Variants in WWOX observed in about 807,000 individuals in gnomAD.
WWOX encodes WW domain-containing oxidoreductase.
Under a neutral mutation model 46.2 loss-of-function variants are expected in WWOX, and 69 were observed. That is an observed-to-expected ratio of 1.49 (90% CI 1.23 to 1.82). The LOEUF (loss-of-function observed/expected upper bound fraction) is 1.82. Ranked by LOEUF, WWOX falls within the 40% of genes most tolerant of loss-of-function variation. The probability of loss-of-function intolerance (pLI) is 0.00; values close to 1 mark genes in which losing one functional copy is unlikely to be tolerated. For missense variants in WWOX, 919 were observed against 542.6 expected (o/e 1.69, Z -6.89); for synonymous variants, 359 against 202.6 (o/e 1.77, Z -6.56).
intron 8 of WWOX, among the ~76,000 whole-genome samples, chr16:78,689,169 C>G (rs895024542): frequency 7.2e-5 from 11 of 152,178 alleles, no homozygotes. Flanking sequence ...TCTACTTCCA[C>G]CCCACCAACA....
At chr16:78,691,055 C>G (rs971104825) in intron 8 of WWOX, among the ~76,000 whole-genome samples, 1 of 152,188 alleles carries the variant, frequency 6.6e-6, no homozygotes, top group South Asian at 2.1e-4. Flanking sequence ...CTAATGAGTT[C>G]TGACTTCATA....
intron 8 of WWOX, among the ~76,000 whole-genome samples, chr16:78,482,103 A>G (rs1411979808): frequency 6.6e-6 from 1 of 152,134 alleles, no homozygotes; most frequent in Non-Finnish European, 1.5e-5. Flanking sequence ...TGGATATTAT[A>G]CATTTATTTA....
At chr16:78,831,871 T>G (rs773022168) in intron 8 of WWOX, among the ~76,000 whole-genome samples, 9 of 152,172 alleles carry the variant, frequency 5.9e-5, no homozygotes, top group Non-Finnish European at 1.2e-4. Flanking sequence ...GAAAACATCC[T>G]TGGCAGGTTC....
At chr16:79,082,590 C>T (rs964130756) in intron 8 of WWOX, among the ~76,000 whole-genome samples, 6 of 152,150 alleles carry the variant, frequency 3.9e-5, no homozygotes, top group African/African-American at 1.4e-4. Flanking sequence ...TCATGAAACA[C>T]AGCCCGCCAG....
At chr16:78,371,954 G>A (rs891740476) in intron 5 of WWOX, among the ~76,000 whole-genome samples, 1 of 152,140 alleles carries the variant, frequency 6.6e-6, no homozygotes, top group Non-Finnish European at 1.5e-5. Flanking sequence ...GTGCTTATTG[G>A]GCGCTCAGTT....
At chr16:78,165,267 T>C (rs2034934095) in intron 5 of WWOX, among the ~76,000 whole-genome samples, 1 of 152,236 alleles carries the variant, frequency 6.6e-6, no homozygotes, top group East Asian at 1.9e-4. Context: ...TTTTCATTCA[T>C]TCACATATTC....
At chr16:79,035,907 T>A (rs1249357230) in intron 8 of WWOX, among the ~76,000 whole-genome samples, 1 of 152,216 alleles carries the variant, frequency 6.6e-6, no homozygotes. Context: ...GAATTCAGCT[T>A]CTTAAAGGAG....
chr16:78,488,716 T>C (rs2738706), intron 8 of WWOX, among the ~76,000 whole-genome samples: 43,635 of 152,024 alleles, frequency 0.29, 8,353 homozygotes, highest in African/African-American at 0.55. Flanking sequence ...GAATTTTCTT[T>C]ATGGGCCATT....
chr16:79,188,958 C>A (rs758815482), intron 8 of WWOX, among the ~76,000 whole-genome samples: 11 of 152,098 alleles, frequency 7.2e-5, no homozygotes, highest in Non-Finnish European at 1.5e-4. Flanking sequence ...TAATTATAGT[C>A]TTTATTGCAT....
intron 8 of WWOX, among the ~76,000 whole-genome samples, chr16:78,679,237 C>T (rs1049538244): frequency 5.9e-5 from 9 of 152,032 alleles, no homozygotes; most frequent in African/African-American, 1.7e-4. Context: ...ACCATGATGG[C>T]GTTGAGGTAG....
At chr16:78,963,919 G>A (rs1373360621) in intron 8 of WWOX, among the ~76,000 whole-genome samples, 1 of 152,124 alleles carries the variant, frequency 6.6e-6, no homozygotes, top group Non-Finnish European at 1.5e-5. Context: ...TCTTATGAAA[G>A]TGAATAAGTT....
rs7498813 is a variant in WWOX at position 78,430,140 on chromosome 16, C to G, written c.792-2348C>G. ...AGATGAAGGAAGGGCAAAGGGATGT[C>G]TTACATGACATCAGGCAACAGAGTA... On this transcript the variant is annotated intron_variant, in intron 7 of 8. Transcript: ENST00000566780. 6.1e-3 allele frequency among the ~76,000 whole-genome samples: 933 copies of G among 152,272 alleles called. 10 individuals carry two copies. Among genetic ancestry groups the G allele is most frequent in the African/African-American group, 0.021 (884 of 41,554 alleles).
At chr16:78,723,983 C>T (rs2048762562) in intron 8 of WWOX, among the ~76,000 whole-genome samples, 2 of 152,154 alleles carry the variant, frequency 1.3e-5, no homozygotes, top group Admixed American at 1.3e-4. Flanking sequence ...CTCCATGGTA[C>T]CCTCTGATTC....
At chr16:78,473,045 C>G (rs1286588527) in intron 8 of WWOX, among the ~76,000 whole-genome samples, 1 of 152,138 alleles carries the variant, frequency 6.6e-6, no homozygotes, top group Non-Finnish European at 1.5e-5. Context: ...AAAAATATTT[C>G]AAGGTGTGTG....
intron 8 of WWOX, among the ~76,000 whole-genome samples, chr16:78,451,693 A>C (rs955797153): frequency 1.3e-5 from 2 of 152,226 alleles, no homozygotes; most frequent in Non-Finnish European, 2.9e-5. Flanking sequence ...TGGATACTAA[A>C]GCAATGCTAG....
intron 8 of WWOX, chr16:78,691,374 A>G: frequency 1.5e-6 from 1 of 685,866 alleles, no homozygotes; most frequent in Non-Finnish European, 2.7e-6. Flanking sequence ...ACAGAAAGGA[A>G]ATCTCCTAAG....
chr16:78,566,333 C>A (rs558360213), intron 8 of WWOX, among the ~76,000 whole-genome samples: 1 of 152,308 alleles, frequency 6.6e-6, no homozygotes, highest in East Asian at 1.9e-4. Flanking sequence ...ACAACTATCT[C>A]ACTTACCTCT....
chr16:79,158,998 C>G (rs907351239), intron 8 of WWOX, among the ~76,000 whole-genome samples: 1 of 152,186 alleles, frequency 6.6e-6, no homozygotes, highest in Non-Finnish European at 1.5e-5. Context: ...TTCACTCTGC[C>G]TGCAGCCAAC....
At chr16:78,626,658 C>G (rs1455241707) in intron 8 of WWOX, among the ~76,000 whole-genome samples, 1 of 152,108 alleles carries the variant, frequency 6.6e-6, no homozygotes, top group African/African-American at 2.4e-5. Context: ...CACACTGCTG[C>G]CTTTGGAGGA....
Sources: gnomAD v4.1 joint callset for allele counts (sites outside exome capture counted in the v4.1 genomes callset) on GRCh38, gnomAD v4.1.1 for gene constraint, MANE v1.5 for transcripts, NCBI Gene and HGNC (gene_info 2026-07-23, HGNC 2026-07-21) for gene names.